The following RARB variants were observed in gnomAD, a reference collection of about 807,000 sequenced individuals.
RARB encodes retinoic acid receptor beta.
RARB carries 17 observed loss-of-function variants against 51.9 expected under a neutral mutation model. The ratio of observed to expected loss-of-function variants is 0.33; its 90% CI spans 0.22 to 0.49. The LOEUF (loss-of-function observed/expected upper bound fraction) is 0.49. Ranked by LOEUF, RARB falls within the 20% of genes least tolerant of loss-of-function variation. The pLI, the probability that RARB is intolerant of heterozygous loss-of-function variation, is 0.99. For missense variants in RARB, 369 were observed against 550.8 expected (o/e 0.67, Z 3.30); for synonymous variants, 215 against 195.4 (o/e 1.10, Z -0.84).
intron 2 of RARB, among the ~76,000 whole-genome samples, chr3:25,016,038 T>C (rs1044483496): frequency 6.6e-6 from 1 of 152,220 alleles, no homozygotes; most frequent in Non-Finnish European, 1.5e-5. Flanking sequence ...TTCAGGTCTT[T>C]GGTGGAACAA....
At chr3:25,507,331 A>C (rs1364340996) in intron 3 of RARB, among the ~76,000 whole-genome samples, 1 of 152,214 alleles carries the variant, frequency 6.6e-6, no homozygotes, top group African/African-American at 2.4e-5. Flanking sequence ...AAGTTGTCAG[A>C]GGCAAAACAA....
Position 24,874,993 on chromosome 3 carries a change from T to C in RARB, c.-380+16241T>C, listed in dbSNP as rs184120244. ...AAAATCTAATGCTTATTAATATCTTTACCTCCTCCCAAACAATATGTAAAC... is the reference window on the plus strand; with the variant it reads ...AAAATCTAATGCTTATTAATATCTTCACCTCCTCCCAAACAATATGTAAAC... On this transcript the variant is annotated intron_variant, in intron 2 of 11. Coordinates refer to the RARB transcript ENST00000383772. 1.1e-4 allele frequency among the ~76,000 whole-genome samples: 16 copies of C among 152,246 alleles called. No homozygotes were observed. In the East Asian group the frequency reaches 2.3e-3, roughly 22 times the overall value.
chr3:25,444,001 C>T (rs760672426), intron 1 of RARB, among the ~76,000 whole-genome samples: 3 of 152,118 alleles, frequency 2.0e-5, no homozygotes, highest in Non-Finnish European at 4.4e-5. Flanking sequence ...TTTTGAACCA[C>T]GGTTTGCTTC....
At chr3:25,012,386 G>T (rs1017473178) in intron 2 of RARB, among the ~76,000 whole-genome samples, 1 of 152,090 alleles carries the variant, frequency 6.6e-6, no homozygotes, top group African/African-American at 2.4e-5. Flanking sequence ...TTTTGATTCA[G>T]AAGGTCTTGA....
At chr3:25,496,990 T>C (rs1052596917) in intron 2 of RARB, among the ~76,000 whole-genome samples, 1 of 152,220 alleles carries the variant, frequency 6.6e-6, no homozygotes. Context: ...GTTCAAGCGA[T>C]TCTCCTGCCT....
chr3:24,963,690 G>C lies in RARB; in HGVS notation c.-379-96435G>C, dbSNP rs1372609391. Among the ~76,000 whole-genome samples, 3 of 151,866 alleles carry C rather than the reference G, an allele frequency of 2.0e-5. No homozygotes were observed. The East Asian group carries it at 5.8e-4, about 30-fold the overall frequency. ...CTAAGCACTAAGTGGAGAGGAACAA[G>C]GCAGTGTGGGCCGAGCATCTCTGCC... On this transcript the variant is annotated intron_variant, in intron 2 of 11. Transcript: ENST00000383772.
chr3:25,368,017 A>G (rs1324135603), intron 5 of RARB, among the ~76,000 whole-genome samples: 1 of 152,168 alleles, frequency 6.6e-6, no homozygotes, highest in African/African-American at 2.4e-5. Flanking sequence ...ATATTTTTTA[A>G]GCCTAAGTTT....
chr3:24,898,591 T>A (rs1467470284), intron 2 of RARB, among the ~76,000 whole-genome samples: 1 of 152,134 alleles, frequency 6.6e-6, no homozygotes, highest in Admixed American at 6.6e-5. Flanking sequence ...GTTGGCAATA[T>A]TTTATTTTGG....
At chr3:25,426,280 A>T (rs748705511), upstream of RARB, among the ~76,000 whole-genome samples, 2 of 152,232 alleles carry the variant, frequency 1.3e-5, no homozygotes, top group Non-Finnish European at 2.9e-5. Context: ...TTACAAAATG[A>T]TGGCCATATA....
chr3:25,446,599 T>A (rs1708943645), intron 1 of RARB, among the ~76,000 whole-genome samples: 1 of 151,970 alleles, frequency 6.6e-6, no homozygotes, highest in Non-Finnish European at 1.5e-5. Flanking sequence ...GTCAGGAGAT[T>A]GAGACCATCC....
Position 25,106,444 on chromosome 3 carries a change from G to GTT in RARB, c.-327-25712_-327-25711dup, listed in dbSNP as rs1478060108. ...GCATGTACCACCATGCCCAGCTACT[G>GTT]TTTTTTGTTTTTTGTTTTTTTTTGT... On this transcript the variant is annotated intron_variant, in intron 3 of 11. Coordinates refer to the RARB transcript ENST00000383772. Among the ~76,000 whole-genome samples the GTT allele has an allele frequency of 9.0e-5, 6 of 66,956 alleles. 1 individual carries two copies. The highest frequency in any genetic ancestry group is 3.5e-4 in the African/African-American group (6 of 17,084). The allele number at this position is 66,956 out of a possible 152,430, so 43.9% of individuals were successfully genotyped here.
intron 2 of RARB, among the ~76,000 whole-genome samples, chr3:24,878,352 C>T (rs1703089072): frequency 1.3e-5 from 2 of 150,172 alleles, no homozygotes; most frequent in East Asian, 2.0e-4. Flanking sequence ...TGGCTTGTTT[C>T]CAAGTTGTGA....
chr3:25,370,327 A>G (rs1202712933), intron 5 of RARB, among the ~76,000 whole-genome samples: 2 of 152,196 alleles, frequency 1.3e-5, no homozygotes, highest in Non-Finnish European at 1.5e-5. Flanking sequence ...TTAGTGTTAG[A>G]GTAAGTGTAT....
intron 5 of RARB, among the ~76,000 whole-genome samples, chr3:25,408,406 G>A (rs1378239701): frequency 1.3e-5 from 2 of 152,032 alleles, no homozygotes; most frequent in Admixed American, 1.3e-4. Flanking sequence ...AGAATGAAGG[G>A]AGAAGTGCCA....
At chr3:25,354,749 T>C (rs927874202) in intron 5 of RARB, among the ~76,000 whole-genome samples, 1 of 152,152 alleles carries the variant, frequency 6.6e-6, no homozygotes, top group African/African-American at 2.4e-5. Flanking sequence ...TTAGATACAC[T>C]GAGCAATCAT....
At chr3:25,471,214 C>T (rs1317870799) in intron 2 of RARB, among the ~76,000 whole-genome samples, 2 of 152,146 alleles carry the variant, frequency 1.3e-5, no homozygotes, top group African/African-American at 4.8e-5. Flanking sequence ...GTAATTTCTG[C>T]CTTCTACCTC....
At chr3:25,268,153 C>T (rs1344125914) in intron 5 of RARB, among the ~76,000 whole-genome samples, 1 of 152,156 alleles carries the variant, frequency 6.6e-6, no homozygotes, top group African/African-American at 2.4e-5. Context: ...CTCTTTTAAT[C>T]TTTTAACAGC....
At chr3:25,435,553 C>T (rs1466484431) in intron 1 of RARB, among the ~76,000 whole-genome samples, 1 of 152,098 alleles carries the variant, frequency 6.6e-6, no homozygotes, top group African/African-American at 2.4e-5. Flanking sequence ...GTTTAATTAA[C>T]TAAAATGGAA....
At chr3:24,904,171 T>G (rs950238556) in intron 2 of RARB, among the ~76,000 whole-genome samples, 1 of 152,212 alleles carries the variant, frequency 6.6e-6, no homozygotes, top group African/African-American at 2.4e-5. Flanking sequence ...GTTCTTTAAC[T>G]TCCAACTGTC....
Sources: gnomAD v4.1 joint callset for allele counts (sites outside exome capture counted in the v4.1 genomes callset) on GRCh38, gnomAD v4.1.1 for gene constraint, MANE v1.5 for transcripts, NCBI Gene and HGNC (gene_info 2026-07-23, HGNC 2026-07-21) for gene names.